Variants in CARD9 observed in about 807,000 individuals in gnomAD.
CARD9 encodes the protein caspase recruitment domain-containing protein 9.
A neutral mutation model predicts 66.0 loss-of-function variants in CARD9; 53 were observed. That is an observed-to-expected ratio of 0.80 (90% confidence interval 0.64 to 1.01). The LOEUF is 1.01. CARD9 is among the 50% of genes least tolerant of loss of function. The probability of loss-of-function intolerance (pLI) is 0.00; values close to 1 mark genes in which losing one functional copy is unlikely to be tolerated. For synonymous variants in CARD9, 387 were observed against 313.8 expected (o/e 1.23, Z -2.47); for missense variants, 769 against 743.2 (o/e 1.03, Z -0.40).
At chr9:136,373,454 G>C (rs1833323033) in intron 1 of CARD9, 78 bp downstream of exon 1, 1 of 974,302 alleles carries the variant, frequency 1.0e-6, no homozygotes, top group Admixed American at 6.2e-5. Context: ...GCTGCTCTGG[G>C]GGATCAGTGC....
Position 136,371,505 on chromosome 9 carries a change from G to A in CARD9, c.185-44C>T, listed in dbSNP as rs199713325. ...TAACTGGGGGCGGGGCACAGGCGAG[G>A]CAGAGGGCTGGGGTGGGTGGGCCTG... On this transcript the variant is annotated intron_variant, in intron 2 of 12. Transcript: ENST00000371732. 2,047 of 1,192,056 alleles carry A rather than the reference G, an allele frequency of 1.7e-3. 2 individuals carry two copies. Among genetic ancestry groups the A allele is most frequent in the Non-Finnish European group, 2.2e-3 (1,814 of 831,616 alleles). The allele number at this position is 1,192,056 out of a possible 1,614,324, so 73.8% of individuals were successfully genotyped here.
rs4077515 is a variant in CARD9, at chr9:136,372,044, C to T, written c.35G>A (p.Ser12Asn). Residue 12 changes from serine to asparagine, a missense_variant, in exon 2 of 13, where the codon AGC becomes AAC. Ser to Asn is a conservative substitution (Grantham distance 46). Coordinates refer to ENST00000371732, the MANE Select transcript of CARD9 (RefSeq NM_052813.5). ...SDYENDDECW[S>N]VLEGFRVTLT... ...CGTCACCCGGAAGCCCTCCAGGACGCTCCAGCACTCGTCATCGTTCTCGTA... is the reference window on the plus strand; with the variant it reads ...CGTCACCCGGAAGCCCTCCAGGACGTTCCAGCACTCGTCATCGTTCTCGTA... 0.41 allele frequency: 664,941 copies of T among 1,612,496 alleles called. 140,040 individuals carry two copies. Among genetic ancestry groups the T allele is most frequent in the Admixed American group, 0.52 (31,176 of 59,996 alleles).
chr9:136,370,019 C>T, intron 6 of CARD9, 144 bp from the exon 7 acceptor site: 1 of 1,481,198 alleles, frequency 6.8e-7, no homozygotes. Context: ...AGGCCCCTAC[C>T]AGCCCTGCAC....
At position 136,370,967 on chromosome 9, in the gene CARD9, C is replaced by G; in HGVS notation, c.501G>C (p.Glu167Asp). The change falls in exon 4 of 13, where the codon GAG becomes GAC. Residue 167 changes from glutamate (E) to aspartate (D), a missense_variant. Transcript: ENST00000371732. ...HQERVQRLKEECEAGSRELKR... is the reference protein window; with the variant it reads ...HQERVQRLKEDCEAGSRELKR... The stretch of plus-strand genomic sequence containing the variant: ...TGAGCTCGCGGCTGCCGGCCTCGCA[C>G]TCCTCCTTGAGCCTCTGCACACGCT... 6.2e-7 allele frequency: 1 copy of G among 1,610,872 alleles called. No individual in the cohort carries two copies. The highest frequency in any genetic ancestry group is 8.5e-7 in the Non-Finnish European group (1 of 1,179,156).
intron 2 of CARD9, 50 bp from the exon 3 acceptor site, chr9:136,371,511 G>A (rs1285176900): frequency 4.6e-6 from 7 of 1,526,458 alleles, no homozygotes; most frequent in South Asian, 1.2e-5. Flanking sequence ...CGAGGCAGAG[G>A]GCTGGGGTGG....
At chr9:136,372,288 C>G (rs544380847) in intron 1 of CARD9, among the ~76,000 whole-genome samples, 194 bp from the exon 2 acceptor site, 1 of 152,318 alleles carries the variant, frequency 6.6e-6, no homozygotes, top group African/African-American at 2.4e-5. Context: ...GCAGCAGAGA[C>G]ACAGTGACCC....
rs770178187 is a variant in CARD9 at position 136,365,186 on chromosome 9, C to T, written c.1389G>A (p.Gln463=). The T allele has an allele frequency of 1.2e-6, 2 of 1,610,720 alleles. No homozygotes were observed. The highest frequency in any genetic ancestry group is 3.3e-5 in the Admixed American group (2 of 59,964). The change falls in exon 11 of 13, where the codon CAG becomes CAA. Residue 463 remains glutamine (Q), a synonymous_variant. Coordinates refer to ENST00000371732, the MANE Select transcript of CARD9 (RefSeq NM_052813.5). ...GCTCCTGGTGCAGAGCTGCAAAGGGCTGTTTCGGGCTCCCCCCGCCGGCAA... is the reference window on the plus strand; with the variant it reads ...GCTCCTGGTGCAGAGCTGCAAAGGGTTGTTTCGGGCTCCCCCCGCCGGCAA... The part of the protein sequence containing the change: ...GCLAGGGSPK[Q]PFAALHQEQV...
At chr9:136,371,791 G>C (rs996707345) in intron 2 of CARD9, 104 bp downstream of exon 2, 7 of 1,507,690 alleles carry the variant, frequency 4.6e-6, no homozygotes, top group Non-Finnish European at 6.3e-6. Context: ...AAAGCCAGGC[G>C]GGGCTCTCCT....
Position 136,367,802 on chromosome 9 carries a change from G to T in CARD9, c.1104C>A (p.His368Gln), listed in dbSNP as rs145052557. The change falls in exon 8 of 13, where the codon CAC becomes CAA. Residue 368 changes from histidine to glutamine, a missense_variant. His to Gln is a conservative substitution (Grantham distance 24). Transcript: ENST00000371732. ...CCTGCAGGCCCCGGGCGTGCTGTGC[G>T]TGCAGCTCCTCCCGCGTGGCTATGG... is the stretch of plus-strand genomic sequence containing the variant. ...DQAIATREEL[H>Q]AQHARGLQEK... The T allele has an allele frequency of 6.9e-6, 11 of 1,602,086 alleles. No homozygotes were observed. The highest frequency in any genetic ancestry group is 1.7e-4 in the Middle Eastern group (1 of 6,054).
Position 136,364,138 on chromosome 9 carries a change from C to T in CARD9, c.*164G>A. 1 of 1,550,552 alleles carries T rather than the reference C, an allele frequency of 6.4e-7. No homozygotes were observed. The highest frequency in any genetic ancestry group is 8.7e-7 in the Non-Finnish European group (1 of 1,146,880). On this transcript the variant is annotated 3_prime_UTR_variant, in exon 13 of 13. Transcript: ENST00000371732. ...AATGAGTGCCGCTTAACAAACGGCC[C>T]CAATGCCCGGCAGTCCGGCTGGGCC... is the stretch of plus-strand genomic sequence containing the variant.
rs765707859 is a variant in CARD9, at chr9:136,364,335, C to T, written c.1578G>A (p.Thr526=). ...RQGEEDRENT[T]GSDNTDTEGS is the part of the protein sequence containing the mutation. ...CCTCAGTGTCGGTGTTGTCGCTGCC[C>T]GTGGTGTTCTCCCGGTCCTCCTCCC... is the stretch of plus-strand genomic sequence containing the variant. The change falls in exon 13 of 13, where the codon ACG becomes ACA. Residue 526 remains threonine, a synonymous_variant. Transcript: ENST00000371732. The T allele has an allele frequency of 2.6e-6, 4 of 1,567,018 alleles. No individual in the cohort carries two copies. In the East Asian group the frequency reaches 9.4e-5, roughly 37 times the overall value.
intron 9 of CARD9, 118 bp downstream of exon 9, chr9:136,367,093 CACCCA>C (rs1420990566): frequency 6.4e-6 from 8 of 1,244,786 alleles, no homozygotes; most frequent in East Asian, 5.0e-5. Context: ...GCTCTTCCTC[CACCCA>C]GCCCAGCCCA....
At chr9:136,370,477 C>T (rs745562999) in intron 5 of CARD9, 40 bp from the exon 6 acceptor site, 2 of 1,605,464 alleles carry the variant, frequency 1.2e-6, no homozygotes, top group South Asian at 1.1e-5. Flanking sequence ...TGGGAAGGCC[C>T]CCACTGCCCT....
intron 10 of CARD9, chr9:136,366,580 T>G (rs545108685): frequency 8.3e-6 from 5 of 603,076 alleles, no homozygotes; most frequent in African/African-American, 7.4e-5. Flanking sequence ...CAGGGGACAC[T>G]TGTCCCACTA....
intron 1 of CARD9, among the ~76,000 whole-genome samples, chr9:136,372,762 G>A (rs1032229271): frequency 7.2e-5 from 11 of 152,240 alleles, no homozygotes; most frequent in East Asian, 1.9e-4. Context: ...TGCACTGGCC[G>A]GGAAGAGCTG....
chr9:136,365,385 T>C (rs1833099033), intron 10 of CARD9, 168 bp from the exon 11 acceptor site: 1 of 633,674 alleles, frequency 1.6e-6, no homozygotes, highest in South Asian at 1.9e-5. Context: ...ACTGAGGCCT[T>C]ATGGCCTCGC....
At position 136,373,633 on chromosome 9, in the gene CARD9, C is replaced by T. The variant is rs374336901; in HGVS notation, c.-118G>A. The T allele has an allele frequency of 2.9e-5, 28 of 955,318 alleles. No homozygotes were observed. The highest frequency in any genetic ancestry group is 2.8e-4 in the African/African-American group (16 of 56,792). 59.2% of individuals were successfully genotyped at this position (955,318 alleles called of 1,614,324 possible). A position where few individuals can be genotyped will look rare whatever the true frequency, so the allele number is the denominator to read the frequency against. ...CCGGGGCTGCAGGGAGGGAGGAGCACGCCGGACGCCTGTGCACTTCCTGAT... is the reference window on the plus strand; with the variant it reads ...CCGGGGCTGCAGGGAGGGAGGAGCATGCCGGACGCCTGTGCACTTCCTGAT... On this transcript the variant is annotated 5_prime_UTR_variant, in exon 1 of 13. It adds an upstream start codon to the 5' untranslated region. Coordinates refer to ENST00000371732, the MANE Select transcript of CARD9 (RefSeq NM_052813.5).
At chr9:136,369,677 G>T in intron 7 of CARD9, 73 bp downstream of exon 7, 2 of 1,539,310 alleles carry the variant, frequency 1.3e-6, no homozygotes, top group East Asian at 2.4e-5. Flanking sequence ...TCTGACAACT[G>T]CCCTCAAGGG....
At chr9:136,366,690 G>A (rs911009520) in intron 10 of CARD9, 110 bp downstream of exon 10, 1 of 1,146,946 alleles carries the variant, frequency 8.7e-7, no homozygotes, top group Admixed American at 1.7e-5. Context: ...CTGTGGAGTG[G>A]GGGTTGTGGG....
Sources: gnomAD v4.1 joint callset for allele counts (sites outside exome capture counted in the v4.1 genomes callset) on GRCh38, gnomAD v4.1.1 for gene constraint, MANE v1.5 for transcripts, NCBI Gene and HGNC (gene_info 2026-07-23, HGNC 2026-07-21) for gene names.